KCNC4: variants seen among roughly 807,000 people sequenced by gnomAD.
The protein encoded by KCNC4 is voltage-gated potassium channel KCNC4.
KCNC4 carries 23 observed loss-of-function variants against 42.8 expected under a neutral mutation model. The ratio of observed to expected loss-of-function variants is 0.54; its 90% CI spans 0.39 to 0.76. The LOEUF is 0.76. KCNC4 is among the 30% of genes least tolerant of loss of function. The pLI, the probability that KCNC4 is intolerant of heterozygous loss-of-function variation, is 0.00. For missense variants in KCNC4, 751 were observed against 898.2 expected (o/e 0.84, Z 2.10); for synonymous variants, 422 against 393.5 (o/e 1.07, Z -0.86).
In KCNC4 at chr1:110,211,551, A is replaced by C; in HGVS notation, c.52A>C (p.Lys18Gln). 3 of 1,614,070 alleles carry C rather than the reference A, an allele frequency of 1.9e-6. No homozygotes were observed. The highest frequency in any genetic ancestry group is 1.3e-5 in the African/African-American group (1 of 75,060). The stretch of plus-strand genomic sequence containing the variant: ...CTACCGCGGGCGCAAGTCGGGGAAC[A>C]AGCCTCCGTCCAAAACATGTCTGAA... ...SSYRGRKSGN[K>Q]PPSKTCLKEE... Residue 18 changes from lysine to glutamine, a missense_variant, in exon 1 of 4, where the codon AAG becomes CAG. Transcript: ENST00000438661. The surrounding 1 kb of genome is among the most constrained non-coding windows in gnomAD (Gnocchi z 6.5).
At chr1:110,252,377 A>T (rs977597903), downstream of KCNC4, among the ~76,000 whole-genome samples, 1 of 152,162 alleles carries the variant, frequency 6.6e-6, no homozygotes, top group Non-Finnish European at 1.5e-5. Flanking sequence ...CAGCTGTTAA[A>T]TTGGTCATTT....
At chr1:110,215,726 A>G (rs942683087) in intron 1 of KCNC4, among the ~76,000 whole-genome samples, 1 of 152,202 alleles carries the variant, frequency 6.6e-6, no homozygotes, top group Non-Finnish European at 1.5e-5. Flanking sequence ...GCTTTCTGCT[A>G]CTACTCATCT....
At chr1:110,264,980 C>G (rs2101079461) in intron 1 of KCNC4, among the ~76,000 whole-genome samples, 1 of 115,382 alleles carries the variant, frequency 8.7e-6, no homozygotes, top group Middle Eastern at 4.9e-3. Context: ...TACTCGGAGG[C>G]TGGGGCGGGA....
In KCNC4 at chr1:110,223,912, G is replaced by T. The variant is rs1244181726; in HGVS notation, c.1615+12G>T. On this transcript the variant is annotated intron_variant, in intron 2 of 3. Transcript: ENST00000438661. This position sits in a 1 kb window ranked among gnomAD's most constrained non-coding sequence, Gnocchi z 7.5. ...GAGGAAACGGGCAGGTGAGATTAGGGGTTGGGAAGGAAAATCCCTTTTCCC... is the reference window on the plus strand; with the variant it reads ...GAGGAAACGGGCAGGTGAGATTAGGTGTTGGGAAGGAAAATCCCTTTTCCC... The T allele has an allele frequency of 1.3e-6, 2 of 1,567,294 alleles. No homozygotes were observed. Among genetic ancestry groups the T allele is most frequent in the Middle Eastern group, 1.7e-4 (1 of 5,846 alleles).
rs187467453 is a variant in KCNC4 at position 110,271,831 on chromosome 1, C to T, written n.31-10703C>T. 3.7e-4 allele frequency among the ~76,000 whole-genome samples: 56 copies of T among 152,192 alleles called. No individual in the cohort carries two copies. The East Asian group carries it at 0.01, about 28-fold the overall frequency. On this transcript the variant is annotated intron_variant and non_coding_transcript_variant, in intron 1 of 2. Coordinates refer to the KCNC4 transcript ENST00000412512. ...GCTTTGGGAATCTTCCCTCTTGCTG[C>T]CAACTGTACAGTGACTCTGAAAAGC...
At chr1:110,225,786 C>T (rs1658355199) in intron 2 of KCNC4, 189 bp from the exon 3 acceptor site, 2 of 588,754 alleles carry the variant, frequency 3.4e-6, no homozygotes, top group African/African-American at 1.9e-5. Context: ...AGTCAGTCTT[C>T]ACACCAAGTG....
chr1:110,227,282 C>T (rs1048428967), intron 3 of KCNC4, among the ~76,000 whole-genome samples: 13 of 152,170 alleles, frequency 8.5e-5, no homozygotes, highest in African/African-American at 2.4e-4. Flanking sequence ...CCCAATGTCC[C>T]GTGGCCTGCC....
chr1:110,210,418 C>G lies in KCNC4; in HGVS notation c.-1082C>G, dbSNP rs1657366777. Reference sequence around the variant, plus strand: ...CCCCTCCCCTATGCCACCTCGCGCCCGCCCCCTGCCGCGCGCGAGCCAAGG... The same window carrying G: ...CCCCTCCCCTATGCCACCTCGCGCCGGCCCCCTGCCGCGCGCGAGCCAAGG... On this transcript the variant is annotated 5_prime_UTR_variant, in exon 1 of 4. Transcript: ENST00000438661. Among the ~76,000 whole-genome samples, 1 of 151,532 alleles carries G rather than the reference C, an allele frequency of 6.6e-6. No homozygotes were observed. Among genetic ancestry groups the G allele is most frequent in the Non-Finnish European group, 1.5e-5 (1 of 67,818 alleles).
rs764896644 is a variant in KCNC4 at position 110,223,827 on chromosome 1, C to T, written c.1542C>T (p.Ser514=). ...SPMYCKSEET[S]PRDSTCSDTS... is the part of the protein sequence containing the mutation. ...TGTACTGCAAGTCTGAGGAGACTTCCCCCCGGGACAGCACCTGCAGTGATA... is the reference window on the plus strand; with the variant it reads ...TGTACTGCAAGTCTGAGGAGACTTCTCCCCGGGACAGCACCTGCAGTGATA... The change falls in exon 2 of 4, where the codon TCC becomes TCT. Residue 514 remains serine, a synonymous_variant. Transcript: ENST00000438661. This position sits in a 1 kb window ranked among gnomAD's most constrained non-coding sequence, Gnocchi z 7.5. The T allele has an allele frequency of 5.0e-6, 8 of 1,613,140 alleles. No homozygotes were observed. Among genetic ancestry groups the T allele is most frequent in the South Asian group, 4.4e-5 (4 of 91,008 alleles).
intron 1 of KCNC4, among the ~76,000 whole-genome samples, chr1:110,215,213 A>G (rs941521174): frequency 4.6e-5 from 7 of 152,222 alleles, no homozygotes; most frequent in African/African-American, 1.7e-4. Context: ...GGCCTGGCCC[A>G]AGGAGCTGTT....
At chr1:110,253,876 G>T (rs942735966), downstream of KCNC4, among the ~76,000 whole-genome samples, 3 of 152,148 alleles carry the variant, frequency 2.0e-5, no homozygotes, top group African/African-American at 7.2e-5. Flanking sequence ...TCCTGGTCAA[G>T]AGAGGCCTTT....
exon 4 of KCNC4, chr1:110,245,358 A>G (rs1253890000): frequency 1.3e-5 from 2 of 152,224 alleles, no homozygotes; most frequent in African/African-American, 2.4e-5. Flanking sequence ...ACCTAGGTCC[A>G]TTCCTCAAGT....
Position 110,223,865 on chromosome 1 carries a change from C to G in KCNC4, c.1580C>G (p.Ala527Gly), listed in dbSNP as rs1169019795. 3.1e-6 allele frequency: 5 copies of G among 1,603,748 alleles called. No homozygotes were observed. Among genetic ancestry groups the G allele is most frequent in the Non-Finnish European group, 4.3e-6 (5 of 1,173,188 alleles). The change falls in exon 2 of 4, where the codon GCC becomes GGC. Residue 527 changes from alanine (A) to glycine (G), a missense_variant. Ala to Gly is a moderately conservative substitution (Grantham distance 60). Coordinates refer to ENST00000438661, the MANE Select transcript of KCNC4 (RefSeq NM_001039574.3). The surrounding 1 kb of genome is among the most constrained non-coding windows in gnomAD (Gnocchi z 7.5). ...ACCTGCAGTGATACCAGCCCCCCTG[C>G]CCGGGAAGAGGGTATGATCGAGAGG... ...DSTCSDTSPP[A>G]REEGMIERKR...
chr1:110,218,282 G>A (rs1336434613), intron 1 of KCNC4, among the ~76,000 whole-genome samples: 1 of 152,116 alleles, frequency 6.6e-6, no homozygotes, highest in African/African-American at 2.4e-5. Context: ...GTACCAGGTA[G>A]ATACTACCCT....
At chr1:110,272,454 CAGAGAAAGAGAATCAA>C (rs1429385863) in intron 1 of KCNC4, 1 of 152,060 alleles carries the variant, frequency 6.6e-6, no homozygotes, top group Non-Finnish European at 1.5e-5. Context: ...ATAGAGGCCC[CAGAGAAAGAGAATCAA>C]AGAGAGGGAC....
intron 1 of KCNC4, chr1:110,221,818 C>A (rs116728786): frequency 6.6e-6 from 1 of 152,220 alleles, no homozygotes; most frequent in Admixed American, 6.5e-5. Context: ...GCAGGACAGG[C>A]GGCAGCAGGA....
exon 4 of KCNC4, chr1:110,242,343 C>T (rs2101056560): frequency 6.6e-6 from 1 of 152,368 alleles, no homozygotes; most frequent in African/African-American, 2.4e-5. Flanking sequence ...CCCACCCACC[C>T]CAACTCTCCG....
At position 110,257,720 on chromosome 1, in the gene KCNC4, CAAA is replaced by C. The variant is rs56333861; in HGVS notation, n.31-24794_31-24792del. Among the ~76,000 whole-genome samples, 141 of 90,934 alleles carry C rather than the reference CAAA, an allele frequency of 1.6e-3. 3 individuals carry two copies. The Middle Eastern group carries it at 0.022, about 14-fold the overall frequency. The allele number at this position is 90,934 out of a possible 152,430, so 59.7% of individuals were successfully genotyped here. A position where few individuals can be genotyped will look rare whatever the true frequency, so the allele number is the denominator to read the frequency against. ...TTGGCAACAGAGCGAGACTCCGTCT[CAAA>C]AAAAAAAAAAAAAAAAAAAGTCCAG... is the stretch of plus-strand genomic sequence containing the variant. On this transcript the variant is annotated intron_variant and non_coding_transcript_variant, in intron 1 of 2. Coordinates refer to the KCNC4 transcript ENST00000412512.
intron 1 of KCNC4, 53 bp from the exon 2 acceptor site, chr1:110,222,911 G>A: frequency 7.2e-7 from 1 of 1,380,948 alleles, no homozygotes; most frequent in South Asian, 1.2e-5. Context: ...CCCCAGCTGG[G>A]CCCATCCATC....
Sources: gnomAD v4.1 joint callset for allele counts (sites outside exome capture counted in the v4.1 genomes callset) on GRCh38, gnomAD v4.1.1 for gene constraint, Gnocchi (gnomAD v3.1) non-coding constraint, MANE v1.5 for transcripts, NCBI Gene and HGNC (gene_info 2026-07-23, HGNC 2026-07-21) for gene names.